Variants in SPACA7 observed in about 807,000 individuals in gnomAD.
The protein encoded by SPACA7 is sperm acrosome-associated protein 7.
Under a neutral mutation model 26.3 loss-of-function variants are expected in SPACA7, and 19 were observed. The observed-to-expected ratio is 0.72, with a 90% confidence interval of 0.50 to 1.06. The LOEUF is 1.06. Ranked by LOEUF, SPACA7 falls within the 50% of genes least tolerant of loss-of-function variation. The pLI, the probability that SPACA7 is intolerant of heterozygous loss-of-function variation, is 0.00. For synonymous variants in SPACA7, 84 were observed against 84.5 expected (o/e 0.99, Z 0.04); for missense variants, 211 against 229.9 (o/e 0.92, Z 0.53).
At chr13:112,421,868 C>T (rs563984257) in intron 5 of SPACA7, among the ~76,000 whole-genome samples, 2 of 152,208 alleles carry the variant, frequency 1.3e-5, no homozygotes, top group Admixed American at 6.5e-5. Flanking sequence ...AACAGAAAAC[C>T]AAATACCGCA....
At chr13:112,424,234 A>C (rs1876296573) in intron 5 of SPACA7, among the ~76,000 whole-genome samples, 1 of 152,288 alleles carries the variant, frequency 6.6e-6, no homozygotes, top group South Asian at 2.1e-4. Flanking sequence ...ACTCCAAAGA[A>C]CCTAGGTGCA....
chr13:112,399,040 A>AT (rs141137672), intron 3 of SPACA7, 26 bp from the exon 4 acceptor site: 8 of 1,465,896 alleles, frequency 5.5e-6, no homozygotes, highest in Admixed American at 1.7e-5. Flanking sequence ...ACTTTTCCCC[A>AT]TTTTTTTCCA....
chr13:112,410,143 A>T (rs1388020231), intron 5 of SPACA7, among the ~76,000 whole-genome samples: 2 of 152,118 alleles, frequency 1.3e-5, no homozygotes, highest in East Asian at 3.9e-4. Context: ...ACATGTTCTC[A>T]CTCATAGGTG....
chr13:112,383,119 AG>A (rs1290397189), intron 1 of SPACA7, among the ~76,000 whole-genome samples: 1 of 10,942 alleles, frequency 9.1e-5, no homozygotes, highest in Admixed American at 7.4e-4. Flanking sequence ...AGAAAAGAAA[AG>A]AAAAGAAAGA....
At chr13:112,415,310 G>T (rs1382519516) in intron 5 of SPACA7, among the ~76,000 whole-genome samples, 2 of 152,194 alleles carry the variant, frequency 1.3e-5, no homozygotes, top group African/African-American at 4.8e-5. Flanking sequence ...CAGTACCAGA[G>T]CTCATCCAAG....
intron 5 of SPACA7, among the ~76,000 whole-genome samples, chr13:112,430,172 C>CTGTGTGTGTGTGTGTGTGTG (rs1254393630): frequency 4.0e-4 from 49 of 122,770 alleles, no homozygotes; most frequent in East Asian, 1.0e-3. Context: ...GCATCTCTCT[C>CTGTGTGTGTGTGTGTGTGTG]TCTGTGTGTG....
intron 1 of SPACA7, chr13:112,382,484 G>T: frequency 6.4e-7 from 1 of 1,550,478 alleles, no homozygotes; most frequent in Non-Finnish European, 8.7e-7. Flanking sequence ...AGGGGACGTA[G>T]TGGGAATGGG....
Position 112,434,567 on chromosome 13 carries a change from C to T in SPACA7, c.*18C>T. ...GTCAGTGAGGCCGCAGCCCCAGACC[C>T]CCTGCGCAGGAGAGGAGCCTGCTAG... On this transcript the variant is annotated 3_prime_UTR_variant, in exon 7 of 7. Transcript: ENST00000283550. The T allele has an allele frequency of 3.1e-6, 5 of 1,591,836 alleles. No homozygotes were observed. Among genetic ancestry groups the T allele is most frequent in the Non-Finnish European group, 4.3e-6 (5 of 1,169,596 alleles).
chr13:112,432,668 C>T (rs1471861969), intron 6 of SPACA7, 147 bp downstream of exon 6: 1 of 634,952 alleles, frequency 1.6e-6, no homozygotes, highest in Non-Finnish European at 2.8e-6. Flanking sequence ...AGCCCCTGTC[C>T]AACCGTTGAT....
chr13:112,383,086 GAA>G (rs1884211749), intron 1 of SPACA7, among the ~76,000 whole-genome samples: 1 of 86,124 alleles, frequency 1.2e-5, no homozygotes, highest in African/African-American at 4.2e-5. Flanking sequence ...GAAAGAAAAA[GAA>G]AGAAAGAAAG....
At chr13:112,424,292 C>T (rs751276497) in intron 5 of SPACA7, among the ~76,000 whole-genome samples, 1 of 152,156 alleles carries the variant, frequency 6.6e-6, no homozygotes, top group Non-Finnish European at 1.5e-5. Flanking sequence ...CTGTCACTGC[C>T]GTCATTTCAA....
intron 5 of SPACA7, among the ~76,000 whole-genome samples, chr13:112,415,933 A>G (rs938133878): frequency 1.3e-5 from 2 of 152,082 alleles, no homozygotes; most frequent in Non-Finnish European, 1.5e-5. Context: ...GAATTCTGCC[A>G]GGTGCTGTGT....
chr13:112,432,485 C>G lies in SPACA7; in HGVS notation c.487C>G (p.Leu163Val), dbSNP rs769956675. 1.2e-6 allele frequency: 2 copies of G among 1,611,604 alleles called. No homozygotes were observed. The highest frequency in any genetic ancestry group is 2.2e-5 in the South Asian group (2 of 91,028). Reference protein sequence around the residue: ...KNTQYENLSILDQILQNIGRS... With the variant: ...KNTQYENLSIVDQILQNIGRS... ...CACTCAGTATGAAAATCTATCCATT[C>G]TGGACCAAATCCTTCAAAATATTGG... is the stretch of plus-strand genomic sequence containing the variant. The change falls in exon 6 of 7, where the codon CTG (leucine) becomes GTG (valine). Residue 163 changes from leucine (L) to valine (V), a missense_variant. By Grantham distance (32) the Leu-to-Val change is conservative. Coordinates refer to ENST00000283550, the MANE Select transcript of SPACA7 (RefSeq NM_145248.5).
At chr13:112,434,464 A>G (rs1454857430) in intron 6 of SPACA7, 21 bp from the exon 7 acceptor site, 1 of 1,599,056 alleles carries the variant, frequency 6.3e-7, no homozygotes, top group Non-Finnish European at 8.5e-7. Flanking sequence ...GCCAGTCTCA[A>G]AATCTCCTCT....
intron 5 of SPACA7, among the ~76,000 whole-genome samples, chr13:112,421,290 A>G (rs1257057307): frequency 1.3e-5 from 2 of 152,024 alleles, no homozygotes; most frequent in Non-Finnish European, 2.9e-5. Context: ...TATGCCATTT[A>G]AAGGTTCTCA....
chr13:112,392,625 C>T (rs556818974), intron 1 of SPACA7, among the ~76,000 whole-genome samples: 1 of 152,270 alleles, frequency 6.6e-6, no homozygotes, highest in Admixed American at 6.5e-5. Flanking sequence ...CCAAATGCTG[C>T]TTTCACAAGA....
In SPACA7 at chr13:112,383,101, GAAAGA is replaced by G. The variant is rs1404941057; in HGVS notation, c.94+6645_94+6649del. Among the ~76,000 whole-genome samples the G allele has an allele frequency of 3.4e-3, 92 of 27,196 alleles. 1 individual carries two copies. The highest frequency in any genetic ancestry group is 0.015 in the South Asian group (6 of 398). 17.8% of individuals were successfully genotyped at this position (27,196 alleles called of 152,430 possible). A position where few individuals can be genotyped will look rare whatever the true frequency, so the allele number is the denominator to read the frequency against. Reference sequence around the variant, plus strand: ...GAAAGAAAAAGAAAGAAAGAAAGAAGAAAGAAAAGAAAAGAAAAGAAAAGAAAGAA... The same window carrying G: ...GAAAGAAAAAGAAAGAAAGAAAGAAGAAAGAAAAGAAAAGAAAAGAAAGAA... On this transcript the variant is annotated intron_variant, in intron 1 of 6. Coordinates refer to ENST00000283550, the MANE Select transcript of SPACA7 (RefSeq NM_145248.5).
At chr13:112,390,687 C>A (rs75303726) in intron 1 of SPACA7, among the ~76,000 whole-genome samples, 2,045 of 152,228 alleles carry the variant, frequency 0.013, 46 homozygotes, top group African/African-American at 0.047. Flanking sequence ...GAACAGAGAG[C>A]GTGGGCAGGT....
intron 5 of SPACA7, among the ~76,000 whole-genome samples, chr13:112,425,137 A>G (rs570979523): frequency 7.2e-5 from 11 of 152,360 alleles, no homozygotes; most frequent in Admixed American, 5.2e-4. Flanking sequence ...ACCTGACAGG[A>G]CAGCCATGTG....
Sources: gnomAD v4.1 joint callset for allele counts (sites outside exome capture counted in the v4.1 genomes callset) on GRCh38, gnomAD v4.1.1 for gene constraint, MANE v1.5 for transcripts, NCBI Gene and HGNC (gene_info 2026-07-23, HGNC 2026-07-21) for gene names.